CCDC85C: variants seen among roughly 807,000 people sequenced by gnomAD.
CCDC85C encodes the protein coiled-coil domain containing 85C.
CCDC85C carries 18 observed loss-of-function variants against 38.3 expected under a neutral mutation model. That is an observed-to-expected ratio of 0.47 (90% CI 0.33 to 0.70). The LOEUF (loss-of-function observed/expected upper bound fraction) is 0.70. Ranked by LOEUF, CCDC85C falls within the 30% of genes least tolerant of loss-of-function variation. The pLI is 0.03. For missense variants in CCDC85C, 566 were observed against 621.2 expected, an observed-to-expected ratio of 0.91 and a Z score of 0.94; for synonymous variants, 264 against 293.8, an observed-to-expected ratio of 0.90 and a Z score of 1.04.
intron 2 of CCDC85C, among the ~76,000 whole-genome samples, chr14:99,531,831 G>A (rs112670656): frequency 2.6e-5 from 4 of 152,310 alleles, no homozygotes; most frequent in African/African-American, 9.6e-5. Flanking sequence ...GCTTAGGACA[G>A]CATCTCATTC....
intron 1 of CCDC85C, among the ~76,000 whole-genome samples, chr14:99,595,073 G>A (rs942449058): frequency 2.6e-5 from 4 of 152,218 alleles, no homozygotes; most frequent in African/African-American, 9.7e-5. Flanking sequence ...GCCCAACCTA[G>A]GGACTTCAGG....
intron 1 of CCDC85C, chr14:99,579,987 G>A (rs1418352965): frequency 2.2e-6 from 1 of 453,642 alleles, no homozygotes; most frequent in African/African-American, 2.0e-5. Context: ...CTCAGCAGCG[G>A]ACCACCATGA....
At position 99,510,111 on chromosome 14, in the gene CCDC85C, A is replaced by G. The variant is rs1897082831; in HGVS notation, c.*5135T>C. On this transcript the variant is annotated 3_prime_UTR_variant, in exon 6 of 6. Transcript: ENST00000380243. ...AGGGCCAGGAGGCACTGAAAAAGCA[A>G]CCATTGCTGGCGGAGGCCGGGCACT... 4.5e-6 allele frequency: 7 copies of G among 1,549,242 alleles called. No individual in the cohort carries two copies. The East Asian group carries it at 1.4e-4, about 31-fold the overall frequency.
In CCDC85C at chr14:99,546,060, G is replaced by A. The variant is rs181769252; in HGVS notation, c.794-9972C>T. On this transcript the variant is annotated intron_variant, in intron 1 of 5. Coordinates refer to ENST00000380243, the MANE Select transcript of CCDC85C (RefSeq NM_001144995.2). ...TCGCGCAGGACTGAAGTCTGCATGGGGGGGGGGAATAAACAACCCTTACCG... is the reference window on the plus strand; with the variant it reads ...TCGCGCAGGACTGAAGTCTGCATGGAGGGGGGGAATAAACAACCCTTACCG... Among the ~76,000 whole-genome samples the A allele has an allele frequency of 5.3e-5, 8 of 151,996 alleles. No individual in the cohort carries two copies. In the South Asian group the frequency reaches 6.2e-4, roughly 12 times the overall value.
In CCDC85C at chr14:99,580,473, A is replaced by AG. The variant is rs1226131303; in HGVS notation, c.793+22693dup. Among the ~76,000 whole-genome samples, 6 of 11,354 alleles carry AG rather than the reference A, an allele frequency of 5.3e-4. No individual in the cohort carries two copies. The East Asian group carries it at 8.3e-3, about 16-fold the overall frequency. The allele number at this position is 11,354 out of a possible 152,430, so 7.4% of individuals were successfully genotyped here. A position where few individuals can be genotyped will look rare whatever the true frequency, so the allele number is the denominator to read the frequency against. ...CATGAGGGACGTCCCCAGTGAGGGG[A>AG]GGGGGGGAAGGGGGCGGGGATGGGG... On this transcript the variant is annotated intron_variant, in intron 1 of 5. Transcript: ENST00000380243.
Position 99,502,919 on chromosome 14 carries a change from C to G in CCDC85C, c.*12327G>C, listed in dbSNP as rs1330308822. The stretch of plus-strand genomic sequence containing the variant: ...CCAGCAACCAGCCCAGCAGCAGCAG[C>G]CAGCCCAACAGCCCAAGAAACCCTC... On this transcript the variant is annotated 3_prime_UTR_variant, in exon 6 of 6. Transcript: ENST00000380243. 6.2e-7 allele frequency: 1 copy of G among 1,613,746 alleles called. No individual in the cohort carries two copies. Among genetic ancestry groups the G allele is most frequent in the Non-Finnish European group, 8.5e-7 (1 of 1,179,854 alleles).
intron 2 of CCDC85C, among the ~76,000 whole-genome samples, chr14:99,532,852 G>T (rs1220073518): frequency 6.6e-6 from 1 of 150,530 alleles, no homozygotes; most frequent in Admixed American, 6.6e-5. Flanking sequence ...GGCAATCTCG[G>T]CTCACTGCAA....
intron 1 of CCDC85C, among the ~76,000 whole-genome samples, chr14:99,589,202 A>ACGGC (rs1331692783): frequency 2.0e-5 from 3 of 151,044 alleles, no homozygotes; most frequent in Admixed American, 1.3e-4. Context: ...GCACACAGCC[A>ACGGC]CGGCCGGGAT....
At chr14:99,540,544 G>A (rs1276495543) in intron 1 of CCDC85C, among the ~76,000 whole-genome samples, 2 of 152,228 alleles carry the variant, frequency 1.3e-5, no homozygotes, top group African/African-American at 4.8e-5. Context: ...AATGAGTGCT[G>A]GAGCCACAGG....
chr14:99,500,211 C>G lies in CCDC85C; in HGVS notation c.*15035G>C, dbSNP rs532253212. Reference sequence around the variant, plus strand: ...TAAGTGTTGTTGGGATGATTTATTTCAAATAAATGAAAGATTTAAACACAA... The same window carrying G: ...TAAGTGTTGTTGGGATGATTTATTTGAAATAAATGAAAGATTTAAACACAA... On this transcript the variant is annotated 3_prime_UTR_variant, in exon 6 of 6. Transcript: ENST00000380243. 1 of 152,354 alleles carries G rather than the reference C, an allele frequency of 6.6e-6. No individual in the cohort carries two copies. The highest frequency in any genetic ancestry group is 2.1e-4 in the South Asian group (1 of 4,832). The allele number at this position is 152,354 out of a possible 1,614,324, so 9.4% of individuals were successfully genotyped here.
chr14:99,584,064 TC>T (rs2055002755), intron 1 of CCDC85C, among the ~76,000 whole-genome samples: 1 of 151,980 alleles, frequency 6.6e-6, no homozygotes, highest in African/African-American at 2.4e-5. Context: ...AACTTTTTTT[TC>T]TTCTTTTTAG....
At chr14:99,523,289 G>T (rs1299613155) in intron 2 of CCDC85C, among the ~76,000 whole-genome samples, 2 of 152,170 alleles carry the variant, frequency 1.3e-5, no homozygotes, top group African/African-American at 4.8e-5. Flanking sequence ...CGGCCTGGCT[G>T]TGAAAGATCC....
At position 99,603,064 on chromosome 14, in the gene CCDC85C, G is replaced by C. The variant is rs949094290; in HGVS notation, c.793+103C>G. On this transcript the variant is annotated intron_variant, in intron 1 of 5. Transcript: ENST00000380243. The surrounding 1 kb of genome is among the most constrained non-coding windows in gnomAD (Gnocchi z 7.5). Reference sequence around the variant, plus strand: ...GACAGCTGGAGGAGTCTGGAGTGGCGGCCGCATGAGTGGGACAGCCAGGGA... The same window carrying C: ...GACAGCTGGAGGAGTCTGGAGTGGCCGCCGCATGAGTGGGACAGCCAGGGA... 6 of 1,239,970 alleles carry C rather than the reference G, an allele frequency of 4.8e-6. No homozygotes were observed. Among genetic ancestry groups the C allele is most frequent in the Non-Finnish European group, 6.1e-6 (6 of 986,056 alleles). 76.8% of individuals were successfully genotyped at this position (1,239,970 alleles called of 1,614,324 possible).
At chr14:99,538,576 G>A (rs975382932) in intron 1 of CCDC85C, among the ~76,000 whole-genome samples, 1 of 152,176 alleles carries the variant, frequency 6.6e-6, no homozygotes, top group Non-Finnish European at 1.5e-5. Flanking sequence ...CAGGAGGTGG[G>A]TGCACTTTCA....
At position 99,548,469 on chromosome 14, in the gene CCDC85C, G is replaced by A. The variant is rs1048093034; in HGVS notation, c.794-12381C>T. On this transcript the variant is annotated intron_variant, in intron 1 of 5. Coordinates refer to ENST00000380243, the MANE Select transcript of CCDC85C (RefSeq NM_001144995.2). The surrounding 1 kb of genome is among the most constrained non-coding windows in gnomAD (Gnocchi z 4.9). ...GCAGCGGATCAGAGAGCAGCCTGGC[G>A]CGGTTTCCTGCAGCTGAAGATGCTC... 2.0e-5 allele frequency among the ~76,000 whole-genome samples: 3 copies of A among 151,914 alleles called. No individual in the cohort carries two copies. Among genetic ancestry groups the A allele is most frequent in the Non-Finnish European group, 4.4e-5 (3 of 67,978 alleles).
At chr14:99,595,266 T>G (rs896506568) in intron 1 of CCDC85C, among the ~76,000 whole-genome samples, 1 of 146,786 alleles carries the variant, frequency 6.8e-6, no homozygotes, top group Non-Finnish European at 1.5e-5. Flanking sequence ...TTTTGGTTTG[T>G]TTTGTTTTGA....
At chr14:99,568,250 A>ATTTTTTTTT (rs3070390) in intron 1 of CCDC85C, among the ~76,000 whole-genome samples, 1 of 126,932 alleles carries the variant, frequency 7.9e-6, no homozygotes, top group Non-Finnish European at 1.6e-5. Context: ...CCTGCCCTTT[A>ATTTTTTTTT]TTTTTTTTTT....
In CCDC85C at chr14:99,541,514, G is replaced by A. The variant is rs532882731; in HGVS notation, c.794-5426C>T. 5.6e-4 allele frequency among the ~76,000 whole-genome samples: 86 copies of A among 152,320 alleles called. 1 individual carries two copies. The highest frequency in any genetic ancestry group is 1.0e-3 in the Non-Finnish European group (70 of 68,030). On this transcript the variant is annotated intron_variant, in intron 1 of 5. Coordinates refer to ENST00000380243, the MANE Select transcript of CCDC85C (RefSeq NM_001144995.2). ...GTGGGTTATGTGGGTGGCAACCCCA[G>A]GAAACCCAGGGAGAGGGGTAGAGAA...
At position 99,502,620 on chromosome 14, in the gene CCDC85C, T is replaced by A. The variant is rs1412825602; in HGVS notation, c.*12626A>T. The A allele has an allele frequency of 2.4e-6, 3 of 1,266,972 alleles. No homozygotes were observed. The East Asian group carries it at 7.5e-5, about 32-fold the overall frequency. 78.5% of individuals were successfully genotyped at this position (1,266,972 alleles called of 1,614,324 possible). A position where few individuals can be genotyped will look rare whatever the true frequency, so the allele number is the denominator to read the frequency against. ...GGTGAGTTGTAAATGTGATTCATGC[T>A]TAGGTCCTCGTAGGGGTATCATAAC... On this transcript the variant is annotated 3_prime_UTR_variant, in exon 6 of 6. Coordinates refer to ENST00000380243, the MANE Select transcript of CCDC85C (RefSeq NM_001144995.2).
Sources: allele counts gnomAD v4.1 joint callset (sites outside exome capture counted in the v4.1 genomes callset), GRCh38; gene constraint gnomAD v4.1.1; non-coding constraint Gnocchi (gnomAD v3.1); transcripts MANE v1.5; gene names NCBI Gene and HGNC (gene_info 2026-07-23, HGNC 2026-07-21).